CORO2B: variants seen among roughly 807,000 people sequenced by gnomAD.
CORO2B encodes the protein coronin-2B.
CORO2B carries 26 observed loss-of-function variants against 58.8 expected under a neutral mutation model. The ratio of observed to expected loss-of-function variants is 0.44; its 90% CI spans 0.32 to 0.61. The LOEUF (loss-of-function observed/expected upper bound fraction) is 0.61, where lower values mean the gene tolerates loss of function less well. CORO2B is among the 20% of genes least tolerant of loss of function. CORO2B has a pLI of 0.04. For synonymous variants in CORO2B, 242 were observed against 253.8 expected (o/e 0.95, Z 0.44); for missense variants, 460 against 645.1 (o/e 0.71, Z 3.11).
intron 1 of CORO2B, among the ~76,000 whole-genome samples, chr15:68,629,532 C>A (rs896106542): frequency 2.0e-5 from 3 of 152,196 alleles, no homozygotes; most frequent in Non-Finnish European, 4.4e-5. Flanking sequence ...CTCAGGCAAC[C>A]AAAGCTTTGA....
At chr15:68,585,424 C>T (rs1186799818) in intron 1 of CORO2B, among the ~76,000 whole-genome samples, 2 of 152,194 alleles carry the variant, frequency 1.3e-5, no homozygotes, top group African/African-American at 4.8e-5. Context: ...ATCGCATTTA[C>T]TCTGTACAAC....
intron 2 of CORO2B, among the ~76,000 whole-genome samples, chr15:68,657,859 A>G (rs1429893436): frequency 6.6e-6 from 1 of 152,208 alleles, no homozygotes; most frequent in Non-Finnish European, 1.5e-5. Context: ...CAAACCTCCT[A>G]ACAGGGTCTG....
chr15:68,566,016 G>T, the CORO2B span, among the ~76,000 whole-genome samples: 1 of 152,236 alleles, frequency 6.6e-6, no homozygotes, highest in African/African-American at 2.4e-5. Flanking sequence ...CTGTGGAGAG[G>T]CAGCTGACAA....
Position 68,710,670 on chromosome 15 carries a change from C to T in CORO2B, c.334-62C>T, listed in dbSNP as rs928698557. On this transcript the variant is annotated intron_variant, in intron 3 of 11. Transcript: ENST00000261861. This position sits in a 1 kb window ranked among gnomAD's most constrained non-coding sequence, Gnocchi z 4.1. ...AGCCTGGTGTCCGAGGAAAGGGGCA[C>T]CTCTCATCAAGGGACTTCTTGGCCG... 3.4e-6 allele frequency: 5 copies of T among 1,454,916 alleles called. No individual in the cohort carries two copies. The highest frequency in any genetic ancestry group is 2.3e-5 in the Admixed American group (1 of 42,748). 90.1% of individuals were successfully genotyped at this position (1,454,916 alleles called of 1,614,324 possible). A position where few individuals can be genotyped will look rare whatever the true frequency, so the allele number is the denominator to read the frequency against.
At chr15:68,595,899 G>C (rs1376576971) in intron 1 of CORO2B, among the ~76,000 whole-genome samples, 1 of 152,212 alleles carries the variant, frequency 6.6e-6, no homozygotes, top group African/African-American at 2.4e-5. Flanking sequence ...GGAGGAGGAG[G>C]TGTTGGAGTG....
chr15:68,597,071 A>G (rs986555498), intron 1 of CORO2B, among the ~76,000 whole-genome samples: 1 of 151,724 alleles, frequency 6.6e-6, no homozygotes, highest in African/African-American at 2.4e-5. Context: ...GAGCAGAAGC[A>G]TATATATCTT....
At chr15:68,559,896 G>A in the CORO2B span, among the ~76,000 whole-genome samples, 2 of 152,388 alleles carry the variant, frequency 1.3e-5, no homozygotes, top group Non-Finnish European at 2.9e-5. This position sits in a 1 kb window ranked among gnomAD's most constrained non-coding sequence, Gnocchi z 4.3. Context: ...TGTGCCGGTT[G>A]GGGTCCTCTG....
At chr15:68,580,498 C>G (rs1899402122) in intron 1 of CORO2B, among the ~76,000 whole-genome samples, 1 of 152,114 alleles carries the variant, frequency 6.6e-6, no homozygotes, top group Non-Finnish European at 1.5e-5. Flanking sequence ...TGCCCCAAGA[C>G]TGAATGTTTG....
chr15:68,646,786 A>C (rs148084223), intron 2 of CORO2B, among the ~76,000 whole-genome samples: 2 of 152,336 alleles, frequency 1.3e-5, no homozygotes, highest in East Asian at 3.9e-4. Flanking sequence ...CAACATGTTA[A>C]GGATGTTTGG....
At position 68,625,198 on chromosome 15, in the gene CORO2B, C is replaced by T. The variant is rs1284732946; in HGVS notation, c.16-19962C>T. Among the ~76,000 whole-genome samples, 4 of 152,068 alleles carry T rather than the reference C, an allele frequency of 2.6e-5. No homozygotes were observed. In the East Asian group the frequency reaches 7.7e-4, roughly 29 times the overall value. On this transcript the variant is annotated intron_variant, in intron 1 of 11. Coordinates refer to ENST00000261861, the MANE Select transcript of CORO2B (RefSeq NM_006091.5). Reference sequence around the variant, plus strand: ...CACGCAGGGTTTAGGAATCTCTAAACTTGAAGCTTTTCCACAGTTTATTTT... The same window carrying T: ...CACGCAGGGTTTAGGAATCTCTAAATTTGAAGCTTTTCCACAGTTTATTTT...
the CORO2B span, among the ~76,000 whole-genome samples, chr15:68,540,410 A>G: frequency 6.6e-6 from 1 of 152,372 alleles, no homozygotes. Context: ...ATGATTGTCA[A>G]TTATTTTCCT....
chr15:68,524,243 C>T, the CORO2B span, among the ~76,000 whole-genome samples: 7 of 152,006 alleles, frequency 4.6e-5, no homozygotes, highest in Non-Finnish European at 1.0e-4. Context: ...AGAAAAAATT[C>T]CAGCTTTTTA....
chr15:68,575,238 C>T (rs1235682698), upstream of CORO2B, among the ~76,000 whole-genome samples: 1 of 152,166 alleles, frequency 6.6e-6, no homozygotes, highest in African/African-American at 2.4e-5. Context: ...GATAAACACC[C>T]GCTAGGCTGA....
the CORO2B span, among the ~76,000 whole-genome samples, chr15:68,534,798 A>C: frequency 1.3e-5 from 2 of 152,212 alleles, no homozygotes; most frequent in Admixed American, 6.5e-5. Flanking sequence ...AAAGAGGTTT[A>C]AAGGACTCAC....
chr15:68,631,921 G>T, intron 1 of CORO2B: 1 of 985,114 alleles, frequency 1.0e-6, no homozygotes, highest in Non-Finnish European at 1.2e-6. Context: ...GCCCCAGATG[G>T]CCACCAGGGA....
intron 1 of CORO2B, among the ~76,000 whole-genome samples, chr15:68,628,705 C>G (rs1047971468): frequency 1.3e-5 from 2 of 152,100 alleles, no homozygotes; most frequent in African/African-American, 4.8e-5. Context: ...AAATGGGGCC[C>G]CAAAAGGTAG....
chr15:68,706,927 G>A (rs530044183), intron 3 of CORO2B, among the ~76,000 whole-genome samples: 1 of 152,018 alleles, frequency 6.6e-6, no homozygotes, highest in East Asian at 1.9e-4. Context: ...TGCCCAGGTT[G>A]GTCTTGAACT....
chr15:68,542,458 G>C, the CORO2B span, among the ~76,000 whole-genome samples: 2 of 152,188 alleles, frequency 1.3e-5, no homozygotes, highest in Non-Finnish European at 2.9e-5. Flanking sequence ...AGAGAATACT[G>C]CATCTTTTCA....
intron 2 of CORO2B, among the ~76,000 whole-genome samples, chr15:68,669,015 T>C (rs1055528851): frequency 2.0e-5 from 3 of 148,518 alleles, no homozygotes; most frequent in African/African-American, 7.5e-5. Flanking sequence ...GAGGCAGAGG[T>C]TGCGGTGAGC....
Sources: gnomAD v4.1 joint callset for allele counts (sites outside exome capture counted in the v4.1 genomes callset) on GRCh38, gnomAD v4.1.1 for gene constraint, Gnocchi (gnomAD v3.1) non-coding constraint, MANE v1.5 for transcripts, NCBI Gene and HGNC (gene_info 2026-07-23, HGNC 2026-07-21) for gene names.